Variants in SLC30A6 observed in about 807,000 individuals in gnomAD.
SLC30A6 encodes the protein solute carrier family 30 member 6, also known as zinc transporter 6.
SLC30A6 carries 55 observed loss-of-function variants against 63.0 expected under a neutral mutation model. The ratio of observed to expected loss-of-function variants is 0.87; its 90% CI spans 0.70 to 1.09. The LOEUF is 1.09. SLC30A6 is among the 50% of genes least tolerant of loss of function. The pLI is 0.00. For synonymous variants in SLC30A6, 224 were observed against 186.1 expected (o/e 1.20, Z -1.66); for missense variants, 587 against 549.2 (o/e 1.07, Z -0.69).
rs1283132203 is a variant in SLC30A6, at chr2:32,197,888, T to C, written c.665+62T>C. 6.3e-6 allele frequency: 10 copies of C among 1,591,080 alleles called. No homozygotes were observed. The African/African-American group carries it at 1.3e-4, about 21-fold the overall frequency. ...TTCTGGGGACTTACTTTTAAGGGCATCAGCAGGATGGATAGTGGTCAAGCT... is the reference window on the plus strand; with the variant it reads ...TTCTGGGGACTTACTTTTAAGGGCACCAGCAGGATGGATAGTGGTCAAGCT... On this transcript the variant is annotated intron_variant, in intron 10 of 13. Coordinates refer to ENST00000282587, the MANE Select transcript of SLC30A6 (RefSeq NM_017964.5).
chr2:32,168,475 GA>G (rs1475497480), intron 1 of SLC30A6, among the ~76,000 whole-genome samples: 1 of 150,552 alleles, frequency 6.6e-6, no homozygotes, highest in East Asian at 1.9e-4. Flanking sequence ...AAATATAAAG[GA>G]AAATAGCCCT....
chr2:32,173,436 C>A (rs1374259966), intron 2 of SLC30A6, among the ~76,000 whole-genome samples: 2 of 151,188 alleles, frequency 1.3e-5, no homozygotes, highest in Non-Finnish European at 2.9e-5. Flanking sequence ...TGCAGTGGCA[C>A]AATCTCATCT....
intron 5 of SLC30A6, among the ~76,000 whole-genome samples, chr2:32,186,235 A>G (rs1029066151): frequency 2.0e-5 from 3 of 152,192 alleles, no homozygotes; most frequent in Non-Finnish European, 4.4e-5. Flanking sequence ...GAGTGTCGCC[A>G]TGTTGGTCAA....
intron 12 of SLC30A6, among the ~76,000 whole-genome samples, chr2:32,208,256 G>C (rs1345086580): frequency 6.6e-6 from 1 of 150,940 alleles, no homozygotes. Context: ...TCAACCTCCT[G>C]AGTAGCTGGG....
At position 32,197,809 on chromosome 2, in the gene SLC30A6, T is replaced by C. The variant is rs766467934; in HGVS notation, c.648T>C (p.Tyr216=). The C allele has an allele frequency of 6.2e-7, 1 of 1,613,900 alleles. No homozygotes were observed. The highest frequency in any genetic ancestry group is 8.5e-7 in the Non-Finnish European group (1 of 1,179,954). ...GAGCATTTGCTCTTTGTATTACATA[T>C]ATGCTCATTGAAATTAAGTGAGTAT... ...LAGAFALCIT[Y]MLIEINNYFA... Residue 216 remains tyrosine (Y), a synonymous_variant, in exon 10 of 14, where the codon TAT becomes TAC. Transcript: ENST00000282587.
In SLC30A6 at chr2:32,184,551, G is replaced by C. The variant is rs890728155; in HGVS notation, c.284+213G>C. Among the ~76,000 whole-genome samples the C allele has an allele frequency of 7.2e-5, 11 of 152,296 alleles. No individual in the cohort carries two copies. The East Asian group carries it at 2.1e-3, about 29-fold the overall frequency. On this transcript the variant is annotated intron_variant, in intron 5 of 13. Transcript: ENST00000282587. ...AGGCTGAGGCAGGCAGAGCACCTTA[G>C]GTCAGGAGTTTGAGACCAGCCTGGC... is the stretch of plus-strand genomic sequence containing the variant.
intron 13 of SLC30A6, among the ~76,000 whole-genome samples, chr2:32,211,743 G>A (rs1186191627): frequency 4.0e-5 from 6 of 151,814 alleles, no homozygotes; most frequent in Admixed American, 3.9e-4. Context: ...TCAGCCTCCC[G>A]AGTAGCTGGG....
At chr2:32,169,635 CG>C (rs1330412413) in intron 1 of SLC30A6, among the ~76,000 whole-genome samples, 3 of 151,870 alleles carry the variant, frequency 2.0e-5, no homozygotes, top group Admixed American at 1.3e-4. Flanking sequence ...AAAAATTAGC[CG>C]GGCGTGGTGG....
chr2:32,172,957 C>T (rs1466997654), intron 2 of SLC30A6, among the ~76,000 whole-genome samples: 1 of 152,178 alleles, frequency 6.6e-6, no homozygotes. Context: ...CTCCGCCTTC[C>T]CTCCTATTTC....
intron 5 of SLC30A6, 107 bp downstream of exon 5, chr2:32,184,445 T>A: frequency 1.8e-6 from 1 of 543,416 alleles, no homozygotes; most frequent in South Asian, 4.6e-5. Flanking sequence ...AAATGCTGCG[T>A]ACTTAGTGAA....
Position 32,220,363 on chromosome 2 carries a change from G to C in SLC30A6, c.1036G>C (p.Val346Leu), listed in dbSNP as rs758580928. Residue 346 changes from valine (V) to leucine (L), a missense_variant, in exon 14 of 14, where the codon GTT becomes CTT. By Grantham distance (32) the Val-to-Leu change is conservative (BLOSUM62 1). Transcript: ENST00000282587. The part of the protein sequence containing the change: ...WIRPALLSGP[V>L]AANVLNFSDH... Reference sequence around the variant, plus strand: ...TAGGCCTGCCTTATTGTCTGGGCCTGTTGCAGCCAATGTCCTAAACTTTTC... The same window carrying C: ...TAGGCCTGCCTTATTGTCTGGGCCTCTTGCAGCCAATGTCCTAAACTTTTC... 6.2e-7 allele frequency: 1 copy of C among 1,614,202 alleles called. No individual in the cohort carries two copies. The highest frequency in any genetic ancestry group is 8.5e-7 in the Non-Finnish European group (1 of 1,180,032).
chr2:32,220,331 A>T lies in SLC30A6; in HGVS notation c.1004A>T (p.Asp335Val). The T allele has an allele frequency of 1.2e-6, 2 of 1,614,172 alleles. No homozygotes were observed. Among genetic ancestry groups the T allele is most frequent in the Non-Finnish European group, 1.7e-6 (2 of 1,180,030 alleles). ...CTAACTGTTCAAATTTTCAAGGATGACTGGATTAGGCCTGCCTTATTGTCT... is the reference window on the plus strand; with the variant it reads ...CTAACTGTTCAAATTTTCAAGGATGTCTGGATTAGGCCTGCCTTATTGTCT... ...STLTVQIFKD[D>V]WIRPALLSGP... Residue 335 changes from aspartate to valine, a missense_variant, in exon 14 of 14, where the codon GAC becomes GTC. Coordinates refer to ENST00000282587, the MANE Select transcript of SLC30A6 (RefSeq NM_017964.5).
Position 32,178,274 on chromosome 2 carries a change from T to C in SLC30A6, c.218+2913T>C, listed in dbSNP as rs565000882. ...GTTATTTTTTTTTAATGGTGTGAGA[T>C]TGGGGGTTCAGATTCATTCTTTTGC... On this transcript the variant is annotated intron_variant, in intron 4 of 13. Transcript: ENST00000282587. 2.0e-5 allele frequency among the ~76,000 whole-genome samples: 3 copies of C among 152,080 alleles called. No homozygotes were observed. In the East Asian group the frequency reaches 5.8e-4, roughly 30 times the overall value.
At chr2:32,216,581 A>ATAAATAAT (rs1685729916) in intron 13 of SLC30A6, among the ~76,000 whole-genome samples, 1 of 142,730 alleles carries the variant, frequency 7.0e-6, no homozygotes, top group Non-Finnish European at 1.5e-5. Context: ...AAATAAATAA[A>ATAAATAAT]TAATAATAAT....
At chr2:32,206,452 A>AT (rs1684784042) in intron 11 of SLC30A6, among the ~76,000 whole-genome samples, 1 of 142,152 alleles carries the variant, frequency 7.0e-6, no homozygotes, top group African/African-American at 2.6e-5. Flanking sequence ...AAAAAAAAAA[A>AT]GGCAGTTTCC....
chr2:32,199,152 T>C (rs1684049677), intron 10 of SLC30A6, among the ~76,000 whole-genome samples: 2 of 152,262 alleles, frequency 1.3e-5, no homozygotes, highest in South Asian at 4.1e-4. Flanking sequence ...TGTTGTAACA[T>C]GTCAGAATTT....
At chr2:32,178,174 C>T (rs1474692482) in intron 4 of SLC30A6, among the ~76,000 whole-genome samples, 1 of 151,786 alleles carries the variant, frequency 6.6e-6, no homozygotes, top group Non-Finnish European at 1.5e-5. Flanking sequence ...GTCTCAATCT[C>T]CTGACCTTGT....
rs1352090181 is a variant in SLC30A6, at chr2:32,220,779, C to G, written c.*66C>G. On this transcript the variant is annotated 3_prime_UTR_variant, in exon 14 of 14. Coordinates refer to ENST00000282587, the MANE Select transcript of SLC30A6 (RefSeq NM_017964.5). ...GCTTCCAATTTATTTAGTAATCCAA[C>G]TTTGCATTGACTGTTTAATCATTTA... The G allele has an allele frequency of 1.5e-5, 21 of 1,387,980 alleles. No individual in the cohort carries two copies. Among genetic ancestry groups the G allele is most frequent in the Non-Finnish European group, 1.9e-5 (19 of 1,013,786 alleles). The allele number at this position is 1,387,980 out of a possible 1,614,324, so 86.0% of individuals were successfully genotyped here.
rs1432549088 is a variant in SLC30A6 at position 32,184,306 on chromosome 2, A to C, written c.252A>C (p.Thr84=). 6.4e-7 allele frequency: 1 copy of C among 1,553,468 alleles called. No homozygotes were observed. The highest frequency in any genetic ancestry group is 8.7e-7 in the Non-Finnish European group (1 of 1,146,628). The part of the protein sequence containing the change: ...LMTCLISYWV[T]LRKPSPVYSF... ...CATGTTTAATAAGTTACTGGGTAAC[A>C]TTGAGGAAACCTAGCCCTGTCTATT... Residue 84 remains threonine, a synonymous_variant, in exon 5 of 14, where the codon ACA becomes ACC. Transcript: ENST00000282587.
Sources: gnomAD v4.1 joint callset for allele counts (sites outside exome capture counted in the v4.1 genomes callset) on GRCh38, gnomAD v4.1.1 for gene constraint, MANE v1.5 for transcripts, NCBI Gene and HGNC (gene_info 2026-07-23, HGNC 2026-07-21) for gene names.